Variants in CEP112 observed in about 807,000 individuals in gnomAD.
CEP112 encodes centrosomal protein 112.
Under a neutral mutation model 153.0 loss-of-function variants are expected in CEP112, and 127 were observed. The observed-to-expected ratio is 0.83, with a 90% CI of 0.72 to 0.96. The LOEUF (loss-of-function observed/expected upper bound fraction) is 0.96. CEP112 is among the 40% of genes least tolerant of loss of function. CEP112 has a pLI of 0.00. For missense variants in CEP112, 1,089 were observed against 1,101.2 expected (o/e 0.99, Z 0.16); for synonymous variants, 358 against 374.4 (o/e 0.96, Z 0.51).
At chr17:65,710,762 C>T (rs1027092600) in intron 23 of CEP112, among the ~76,000 whole-genome samples, 38 of 152,200 alleles carry the variant, frequency 2.5e-4, no homozygotes, top group Non-Finnish European at 4.1e-4. Flanking sequence ...CTAGGTTTCT[C>T]TGTAGCTTAA....
At chr17:65,819,034 C>T (rs1327152680) in intron 21 of CEP112, among the ~76,000 whole-genome samples, 1 of 151,786 alleles carries the variant, frequency 6.6e-6, no homozygotes, top group Admixed American at 6.6e-5. Flanking sequence ...GTAATTTTTT[C>T]TCTAAAGATT....
intron 24 of CEP112, chr17:65,688,860 C>T (rs946189152): frequency 5.2e-5 from 15 of 288,418 alleles, no homozygotes; most frequent in East Asian, 2.4e-4. Context: ...CTCTGCCTCC[C>T]GGGTTCAAGT....
chr17:65,825,995 A>G, intron 21 of CEP112: 1 of 778,182 alleles, frequency 1.3e-6, no homozygotes, highest in Admixed American at 2.2e-5. Flanking sequence ...GTTCAATGTG[A>G]TTGCAGTTTG....
At chr17:66,001,140 C>T (rs909529102) in intron 17 of CEP112, among the ~76,000 whole-genome samples, 2 of 152,170 alleles carry the variant, frequency 1.3e-5, no homozygotes, top group Admixed American at 1.3e-4. Context: ...CACTCTGGAG[C>T]GTCACCCGGC....
At chr17:66,134,619 CT>C (rs1322708755) in intron 4 of CEP112, among the ~76,000 whole-genome samples, 1 of 152,198 alleles carries the variant, frequency 6.6e-6, no homozygotes, top group East Asian at 1.9e-4. Context: ...CAGCCTATTG[CT>C]TAAACTCAGG....
chr17:66,187,042 C>T (rs1223702974), intron 1 of CEP112, among the ~76,000 whole-genome samples: 1 of 152,174 alleles, frequency 6.6e-6, no homozygotes, highest in African/African-American at 2.4e-5. Flanking sequence ...AATTTTCCAT[C>T]TCCACTCACT....
At chr17:65,937,532 T>C (rs1174903625) in intron 18 of CEP112, among the ~76,000 whole-genome samples, 46 of 123,920 alleles carry the variant, frequency 3.7e-4, no homozygotes, top group South Asian at 1.3e-3. Flanking sequence ...GAGGAGCCCC[T>C]CTGCCCGGCC....
At chr17:65,808,290 C>T (rs1264195462) in intron 21 of CEP112, among the ~76,000 whole-genome samples, 2 of 152,168 alleles carry the variant, frequency 1.3e-5, no homozygotes, top group Non-Finnish European at 2.9e-5. Context: ...AAGTAACTAA[C>T]TTGTTTCTGA....
chr17:65,790,839 C>T (rs1348984678), intron 21 of CEP112, among the ~76,000 whole-genome samples: 1 of 152,160 alleles, frequency 6.6e-6, no homozygotes, highest in Non-Finnish European at 1.5e-5. Flanking sequence ...CTGCTAAGTT[C>T]TTCAAACTGT....
chr17:65,690,141 CCGGT>C (rs1414491149), intron 23 of CEP112, among the ~76,000 whole-genome samples: 1 of 139,246 alleles, frequency 7.2e-6, no homozygotes, highest in East Asian at 2.2e-4. Flanking sequence ...AAAAAAAACT[CCGGT>C]CGGGCACAGT....
intron 24 of CEP112, among the ~76,000 whole-genome samples, chr17:65,680,913 A>G (rs986715519): frequency 6.6e-6 from 1 of 152,172 alleles, no homozygotes; most frequent in Non-Finnish European, 1.5e-5. Context: ...TCACTAACAC[A>G]GGAACAGCAT....
At chr17:65,701,261 G>A (rs2048618975) in intron 23 of CEP112, among the ~76,000 whole-genome samples, 1 of 152,190 alleles carries the variant, frequency 6.6e-6, no homozygotes, top group Non-Finnish European at 1.5e-5. Context: ...GGTGCAAGAA[G>A]GAAGTTTAAA....
chr17:65,948,503 T>C (rs2061714479), intron 18 of CEP112, among the ~76,000 whole-genome samples: 2 of 152,102 alleles, frequency 1.3e-5, no homozygotes, highest in Non-Finnish European at 2.9e-5. Context: ...AACATAGCTG[T>C]CTTTTTCAGT....
chr17:65,781,974 A>C (rs1321935174), intron 21 of CEP112, among the ~76,000 whole-genome samples: 1 of 152,212 alleles, frequency 6.6e-6, no homozygotes, highest in African/African-American at 2.4e-5. Flanking sequence ...AGTCTTCAAA[A>C]GCAATTGCAA....
At chr17:66,113,992 C>G (rs1411410082) in intron 6 of CEP112, among the ~76,000 whole-genome samples, 2 of 152,082 alleles carry the variant, frequency 1.3e-5, no homozygotes, top group Non-Finnish European at 2.9e-5. Flanking sequence ...TAGAAAAGTT[C>G]TTCTTCTCTC....
intron 21 of CEP112, among the ~76,000 whole-genome samples, chr17:65,835,000 A>G (rs1016423241): frequency 6.6e-6 from 1 of 152,168 alleles, no homozygotes; most frequent in Non-Finnish European, 1.5e-5. Context: ...TATACCATGG[A>G]ATACTATGCA....
chr17:65,710,304 C>T (rs1045075223), intron 23 of CEP112, among the ~76,000 whole-genome samples: 2 of 152,146 alleles, frequency 1.3e-5, no homozygotes, highest in Non-Finnish European at 2.9e-5. Flanking sequence ...CTTATAGCAG[C>T]TTTATTGGAC....
intron 20 of CEP112, among the ~76,000 whole-genome samples, chr17:65,859,104 G>A (rs1410608507): frequency 2.0e-5 from 3 of 152,070 alleles, no homozygotes; most frequent in Admixed American, 6.6e-5. Context: ...TTGATGTAAC[G>A]TCTGAAAATA....
rs762073644 is a variant in CEP112 at position 65,961,506 on chromosome 17, A to G, written c.1829T>C (p.Val610Ala). The G allele has an allele frequency of 1.9e-6, 3 of 1,612,754 alleles. No homozygotes were observed. In the African/African-American group the frequency reaches 4.0e-5, roughly 22 times the overall value. The change falls in exon 18 of 27, where the codon GTG becomes GCG. Residue 610 changes from valine to alanine, a missense_variant. By Grantham distance (64) the Val-to-Ala change is moderately conservative. Coordinates refer to ENST00000535342, the MANE Select transcript of CEP112 (RefSeq NM_001199165.4). The part of the protein sequence containing the change: ...DAALEEFKRQ[V>A]ELNSEKVYAE... ...ATAGACTTTCTCTGAGTTCAGTTCC[A>G]CCTGCCGCTTAAACTCTTCCAGAGC...
Sources: gnomAD v4.1 joint callset for allele counts (sites outside exome capture counted in the v4.1 genomes callset) on GRCh38, gnomAD v4.1.1 for gene constraint, MANE v1.5 for transcripts, NCBI Gene and HGNC (gene_info 2026-07-23, HGNC 2026-07-21) for gene names.